The following COL19A1 variants were observed in gnomAD, a reference collection of about 807,000 sequenced individuals.
COL19A1 encodes the protein collagen type XIX alpha 1 chain.
A neutral mutation model predicts 190.2 loss-of-function variants in COL19A1; 159 were observed. The observed-to-expected ratio is 0.84, with a 90% CI of 0.73 to 0.95. COL19A1 has a LOEUF of 0.95. Ranked by LOEUF, COL19A1 falls within the 40% of genes least tolerant of loss-of-function variation. The probability of loss-of-function intolerance (pLI) is 0.00; values close to 1 mark genes in which losing one functional copy is unlikely to be tolerated. For synonymous variants in COL19A1, 509 were observed against 458.9 expected, an observed-to-expected ratio of 1.11 and a Z score of -1.39; for missense variants, 1,418 against 1,431.9, an observed-to-expected ratio of 0.99 and a Z score of 0.16.
intron 12 of COL19A1, among the ~76,000 whole-genome samples, chr6:70,025,564 G>C: frequency 6.6e-6 from 1 of 152,234 alleles, no homozygotes; most frequent in East Asian, 1.9e-4. Flanking sequence ...GGACAAAGGG[G>C]AGATGTGGCC....
chr6:70,080,128 A>G (rs1303758932), intron 15 of COL19A1, among the ~76,000 whole-genome samples: 1 of 152,232 alleles, frequency 6.6e-6, no homozygotes, highest in East Asian at 1.9e-4. Context: ...TTCACATTGC[A>G]TATGCATATT....
At chr6:70,059,731 G>A (rs1340051607) in intron 14 of COL19A1, 1 of 507,060 alleles carries the variant, frequency 2.0e-6, no homozygotes, top group Non-Finnish European at 4.0e-6. Flanking sequence ...GAATACCTAT[G>A]TAGACCTATG....
At chr6:69,910,951 A>T (rs1175277116) in intron 4 of COL19A1, among the ~76,000 whole-genome samples, 1 of 152,192 alleles carries the variant, frequency 6.6e-6, no homozygotes, top group Non-Finnish European at 1.5e-5. Flanking sequence ...TAAACCTACA[A>T]ATAAGCATGG....
chr6:69,932,687 T>TAA, intron 6 of COL19A1, 96 bp from the exon 7 acceptor site: 1 of 647,462 alleles, frequency 1.5e-6, no homozygotes, highest in Non-Finnish European at 2.7e-6. Flanking sequence ...TTATATTAGC[T>TAA]TCCTTTTTCT....
At chr6:69,921,079 T>TATATATTCATAGACATATC (rs2149998994) in intron 4 of COL19A1, among the ~76,000 whole-genome samples, 2 of 78,834 alleles carry the variant, frequency 2.5e-5, no homozygotes, top group South Asian at 7.2e-4. Context: ...AGACATATCA[T>TATATATTCATAGACATATC]ATATATTCAT....
At chr6:70,078,527 T>C (rs956173751) in intron 15 of COL19A1, among the ~76,000 whole-genome samples, 1 of 152,110 alleles carries the variant, frequency 6.6e-6, no homozygotes, top group Middle Eastern at 3.2e-3. Context: ...GGTGGGGAGA[T>C]GGGCAGTAAC....
At chr6:70,109,294 G>A (rs777075563) in intron 16 of COL19A1, among the ~76,000 whole-genome samples, 20 of 152,142 alleles carry the variant, frequency 1.3e-4, no homozygotes, top group Non-Finnish European at 2.2e-4. Context: ...GAAGGAGCTG[G>A]CCATGTAAGG....
chr6:69,873,636 T>C (rs917090026), intron 1 of COL19A1, among the ~76,000 whole-genome samples: 1 of 152,234 alleles, frequency 6.6e-6, no homozygotes, highest in African/African-American at 2.4e-5. Flanking sequence ...AGCTTTATTT[T>C]AACTTTCAAA....
intron 1 of COL19A1, among the ~76,000 whole-genome samples, chr6:69,878,316 T>C (rs1021285524): frequency 1.3e-5 from 2 of 151,800 alleles, no homozygotes; most frequent in African/African-American, 4.8e-5. Flanking sequence ...CAGGTTCAAG[T>C]GATTCTCCTG....
intron 14 of COL19A1, among the ~76,000 whole-genome samples, chr6:70,050,132 A>G (rs1780128012): frequency 6.6e-6 from 1 of 152,024 alleles, no homozygotes; most frequent in South Asian, 2.1e-4. Flanking sequence ...AATATTTCCT[A>G]TTGTATAGTG....
In COL19A1 at chr6:70,181,043, A is replaced by C. The variant is rs199973315; in HGVS notation, c.2775+520A>C. Among the ~76,000 whole-genome samples, 4 of 152,310 alleles carry C rather than the reference A, an allele frequency of 2.6e-5. No homozygotes were observed. In the East Asian group the frequency reaches 7.7e-4, roughly 29 times the overall value. Reference sequence around the variant, plus strand: ...TGTGGTATTGATGTGACATTGTAACAATCATTCTGACTAATCCAGTTCCAC... The same window carrying C: ...TGTGGTATTGATGTGACATTGTAACCATCATTCTGACTAATCCAGTTCCAC... On this transcript the variant is annotated intron_variant, in intron 44 of 50. Transcript: ENST00000620364.
chr6:70,145,321 C>G (rs1010729887), intron 25 of COL19A1, among the ~76,000 whole-genome samples: 2 of 152,066 alleles, frequency 1.3e-5, no homozygotes, highest in Non-Finnish European at 2.9e-5. Flanking sequence ...GTGATACATA[C>G]AACCATGGAA....
At position 69,907,107 on chromosome 6, in the gene COL19A1, A is replaced by ATT. The variant is rs56927758; in HGVS notation, c.266+6789_266+6790dup. On this transcript the variant is annotated intron_variant, in intron 4 of 50. Transcript: ENST00000620364. ...CTATCTTCAGATTATTATTATTATTATTTTTTTTTTTTTTTTTTTTTGAGA... is the reference window on the plus strand; with the variant it reads ...CTATCTTCAGATTATTATTATTATTATTTTTTTTTTTTTTTTTTTTTTTGAGA... Among the ~76,000 whole-genome samples the ATT allele has an allele frequency of 4.6e-3, 596 of 129,344 alleles. 5 individuals carry two copies. Among genetic ancestry groups the ATT allele is most frequent in the African/African-American group, 0.013 (463 of 34,598 alleles). 84.9% of individuals were successfully genotyped at this position (129,344 alleles called of 152,430 possible). A position where few individuals can be genotyped will look rare whatever the true frequency, so the allele number is the denominator to read the frequency against.
At chr6:69,981,968 A>T (rs569414396) in intron 11 of COL19A1, among the ~76,000 whole-genome samples, 2 of 152,212 alleles carry the variant, frequency 1.3e-5, no homozygotes, top group Non-Finnish European at 2.9e-5. Context: ...GCAGCAAAGT[A>T]GCTGCTACAA....
chr6:69,921,564 GTATATATTCA>G (rs1413795482), intron 4 of COL19A1, among the ~76,000 whole-genome samples: 2 of 81,944 alleles, frequency 2.4e-5, no homozygotes, highest in African/African-American at 6.0e-5. Flanking sequence ...ATATATATTC[GTATATATTCA>G]TATATATTCG....
intron 4 of COL19A1, among the ~76,000 whole-genome samples, chr6:69,901,196 G>A (rs1770168313): frequency 6.6e-6 from 1 of 152,182 alleles, no homozygotes; most frequent in African/African-American, 2.4e-5. Flanking sequence ...AAATATGTAT[G>A]TATGTTTTCC....
chr6:70,163,361 G>A lies in COL19A1; in HGVS notation c.2365G>A (p.Gly789Arg), dbSNP rs764714388. Residue 789 changes from glycine (G) to arginine (R), a missense_variant, in exon 36 of 51, where the codon GGA becomes AGA. By Grantham distance (125) the Gly-to-Arg change is moderately radical. Transcript: ENST00000620364. ...TTTACAGGGCTTAATGGGAAGAACT[G>A]GACATCCTGGTCCCACAGGAGCAAA... ...TGPPGLMGRT[G>R]HPGPTGAKGE... 1.9e-6 allele frequency: 3 copies of A among 1,612,338 alleles called. No individual in the cohort carries two copies. Among genetic ancestry groups the A allele is most frequent in the Non-Finnish European group, 2.5e-6 (3 of 1,179,144 alleles).
intron 14 of COL19A1, among the ~76,000 whole-genome samples, chr6:70,045,499 T>C (rs1349276750): frequency 6.6e-6 from 1 of 152,134 alleles, no homozygotes; most frequent in Non-Finnish European, 1.5e-5. Flanking sequence ...CTGAATTCCA[T>C]TTTTTCTGAA....
intron 15 of COL19A1, among the ~76,000 whole-genome samples, chr6:70,073,002 A>ATTG (rs1307242245): frequency 1.2e-4 from 13 of 107,372 alleles, no homozygotes; most frequent in Non-Finnish European, 1.9e-4. Flanking sequence ...TTTATTTATT[A>ATTG]TTGAGAGAGA....
Sources: allele counts gnomAD v4.1 joint callset (sites outside exome capture counted in the v4.1 genomes callset), GRCh38; gene constraint gnomAD v4.1.1; transcripts MANE v1.5; gene names NCBI Gene and HGNC (gene_info 2026-07-23, HGNC 2026-07-21).